Variants in CADM2 observed in about 807,000 individuals in gnomAD.
CADM2 encodes the protein cell adhesion molecule 2.
Under a neutral mutation model 49.8 loss-of-function variants are expected in CADM2, and 12 were observed. That is an observed-to-expected ratio of 0.24 (90% CI 0.15 to 0.39). CADM2 has a LOEUF of 0.39. Among genes scored for constraint, CADM2 ranks in the 10% least tolerant of loss-of-function variants. The pLI, the probability that CADM2 is intolerant of heterozygous loss-of-function variation, is 1.00. For synonymous variants in CADM2, 214 were observed against 175.4 expected (o/e 1.22, Z -1.74); for missense variants, 378 against 492.3 (o/e 0.77, Z 2.20).
chr3:85,566,427 A>G (rs915633875), intron 1 of CADM2, among the ~76,000 whole-genome samples: 4 of 152,130 alleles, frequency 2.6e-5, no homozygotes, highest in Non-Finnish European at 5.9e-5. Context: ...CAAGCAACCT[A>G]CATAACACAT....
intron 1 of CADM2, among the ~76,000 whole-genome samples, chr3:85,506,488 G>A (rs532641430): frequency 6.6e-6 from 1 of 152,302 alleles, no homozygotes; most frequent in African/African-American, 2.4e-5. Context: ...GTGTTGAAAT[G>A]TAAAATGAAC....
chr3:85,567,785 G>C (rs2062312544), intron 1 of CADM2, among the ~76,000 whole-genome samples: 1 of 152,174 alleles, frequency 6.6e-6, no homozygotes, highest in African/African-American at 2.4e-5. Flanking sequence ...GCATGACTCT[G>C]TCCAAATTCA....
intron 1 of CADM2, among the ~76,000 whole-genome samples, chr3:85,194,492 A>G (rs921693231): frequency 6.6e-6 from 1 of 152,106 alleles, no homozygotes; most frequent in East Asian, 1.9e-4. Flanking sequence ...GATGGTGGCA[A>G]TCTTGAAAAT....
At chr3:85,126,129 AAG>A (rs1317064761) in intron 1 of CADM2, among the ~76,000 whole-genome samples, 1 of 152,204 alleles carries the variant, frequency 6.6e-6, no homozygotes, top group Non-Finnish European at 1.5e-5. Context: ...ATTTTGTATG[AAG>A]AGTCACTGCA....
At chr3:85,363,976 G>C (rs768624290) in intron 1 of CADM2, among the ~76,000 whole-genome samples, 25 of 152,200 alleles carry the variant, frequency 1.6e-4, no homozygotes, top group Non-Finnish European at 2.5e-4. Flanking sequence ...TATGTCTCTG[G>C]TTGTGTTCAT....
chr3:85,311,502 A>G (rs2044343151), intron 1 of CADM2, among the ~76,000 whole-genome samples: 1 of 151,528 alleles, frequency 6.6e-6, no homozygotes, highest in African/African-American at 2.4e-5. Flanking sequence ...CAGCCTCCCG[A>G]GTAACTGGGA....
intron 1 of CADM2, among the ~76,000 whole-genome samples, chr3:85,403,076 A>C (rs571810054): frequency 6.6e-6 from 1 of 152,214 alleles, no homozygotes; most frequent in South Asian, 2.1e-4. Context: ...CTAGGTATTA[A>C]TAGTATTTTT....
rs757341066 is a variant in CADM2 at position 85,395,134 on chromosome 3, G to A, written c.62-331388G>A. Reference sequence around the variant, plus strand: ...ACCCCATCTCTAAAAAAAAAATAAAGCAATAAAGATAAATTTAGCCAGGTG... The same window carrying A: ...ACCCCATCTCTAAAAAAAAAATAAAACAATAAAGATAAATTTAGCCAGGTG... On this transcript the variant is annotated intron_variant, in intron 1 of 9. Coordinates refer to ENST00000383699, the MANE Select transcript of CADM2 (RefSeq NM_001167675.2). Among the ~76,000 whole-genome samples the A allele has an allele frequency of 1.1e-4, 16 of 151,240 alleles. No individual in the cohort carries two copies. In the Middle Eastern group the frequency reaches 0.01, roughly 96 times the overall value.
chr3:85,341,220 G>A (rs1423607017), intron 1 of CADM2, among the ~76,000 whole-genome samples: 1 of 151,066 alleles, frequency 6.6e-6, no homozygotes, highest in Non-Finnish European at 1.5e-5. Flanking sequence ...AAATTGTTCT[G>A]GTTTATTATA....
At chr3:85,058,862 A>G (rs2036192801) in intron 1 of CADM2, among the ~76,000 whole-genome samples, 1 of 152,100 alleles carries the variant, frequency 6.6e-6, no homozygotes, top group African/African-American at 2.4e-5. Flanking sequence ...AGAAATATAT[A>G]GCATTTATAT....
At position 85,749,984 on chromosome 3, in the gene CADM2, C is replaced by T. The variant is rs747057446; in HGVS notation, c.88+23436C>T. Among the ~76,000 whole-genome samples, 14 of 151,964 alleles carry T rather than the reference C, an allele frequency of 9.2e-5. No individual in the cohort carries two copies. The South Asian group carries it at 2.9e-3, about 32-fold the overall frequency. ...CTGATATTATCTGTTTAGTAATGAT[C>T]ACGTGTATGGTCAACTCTTCTCCTT... On this transcript the variant is annotated intron_variant, in intron 2 of 9. Coordinates refer to ENST00000383699, the MANE Select transcript of CADM2 (RefSeq NM_001167675.2).
rs903397985 is a variant in CADM2 at position 85,426,129 on chromosome 3, A to T, written c.62-300393A>T. 5.4e-5 allele frequency among the ~76,000 whole-genome samples: 6 copies of T among 111,976 alleles called. No homozygotes were observed. The Admixed American group carries it at 6.0e-4, about 11-fold the overall frequency. The allele number at this position is 111,976 out of a possible 152,430, so 73.5% of individuals were successfully genotyped here. On this transcript the variant is annotated intron_variant, in intron 1 of 9. Transcript: ENST00000383699. ...AGCAATAATATCCTGATTTCAGGCT[A>T]TCTTTTTTTTTTTCTTTTTTTTTAT...
At chr3:85,239,983 A>G (rs953980882) in intron 1 of CADM2, among the ~76,000 whole-genome samples, 1 of 151,392 alleles carries the variant, frequency 6.6e-6, no homozygotes, top group African/African-American at 2.4e-5. Context: ...ATTCCAGGGA[A>G]AGTATCTTTA....
intron 1 of CADM2, among the ~76,000 whole-genome samples, chr3:85,119,281 GAC>G (rs2038760567): frequency 1.3e-5 from 2 of 152,026 alleles, no homozygotes; most frequent in Non-Finnish European, 2.9e-5. Flanking sequence ...CATACATGCG[GAC>G]CTATAGTACC....
chr3:85,123,015 C>A (rs1404440579), intron 1 of CADM2, among the ~76,000 whole-genome samples: 1 of 151,998 alleles, frequency 6.6e-6, no homozygotes, highest in East Asian at 1.9e-4. Context: ...ATGTGTTTAC[C>A]TACCTAATGA....
intron 8 of CADM2, among the ~76,000 whole-genome samples, chr3:85,998,083 G>C (rs146862519): frequency 1.2e-3 from 186 of 152,246 alleles, no homozygotes; most frequent in African/African-American, 4.3e-3. Context: ...GTATTTAAGA[G>C]AGGATTTTTA....
At chr3:85,808,571 G>A (rs1470192720) in intron 3 of CADM2, among the ~76,000 whole-genome samples, 1 of 152,006 alleles carries the variant, frequency 6.6e-6, no homozygotes, top group Admixed American at 6.6e-5. Flanking sequence ...TCCTATTATT[G>A]ACAAAAATAC....
At chr3:85,609,400 A>T (rs1422087423) in intron 1 of CADM2, among the ~76,000 whole-genome samples, 1 of 152,140 alleles carries the variant, frequency 6.6e-6, no homozygotes, top group East Asian at 1.9e-4. Flanking sequence ...GAAGAACAGT[A>T]TATGATAGAT....
intron 3 of CADM2, among the ~76,000 whole-genome samples, chr3:85,872,723 A>ATT (rs1402647801): frequency 1.3e-5 from 2 of 149,442 alleles, no homozygotes; most frequent in Middle Eastern, 3.6e-3. Context: ...ATATTTATAC[A>ATT]TTATATATAT....
Sources: gnomAD v4.1 joint callset for allele counts (sites outside exome capture counted in the v4.1 genomes callset) on GRCh38, gnomAD v4.1.1 for gene constraint, MANE v1.5 for transcripts, NCBI Gene and HGNC (gene_info 2026-07-23, HGNC 2026-07-21) for gene names.